The following CDKL5 variants were observed in gnomAD, a reference collection of about 807,000 sequenced individuals.
CDKL5 encodes cyclin-dependent kinase-like 5.
Under a neutral mutation model 61.7 loss-of-function variants are expected in CDKL5, and 8 were observed. The observed-to-expected ratio is 0.13, with a 90% confidence interval of 0.08 to 0.23. CDKL5 has a LOEUF of 0.23. CDKL5 is among the 10% of genes least tolerant of loss of function. The pLI is 1.00. For synonymous variants in CDKL5, 275 were observed against 272.3 expected, an observed-to-expected ratio of 1.01 and a Z score of -0.10; for missense variants, 440 against 734.5, an observed-to-expected ratio of 0.60 and a Z score of 4.63.
intron 3 of CDKL5, among the ~76,000 whole-genome samples, chrX:18,531,695 T>C (rs1923646233): frequency 9.1e-6 from 1 of 110,068 alleles, no homozygotes; most frequent in Non-Finnish European, 1.9e-5. Context: ...GTTTTTTCTT[T>C]TTTTCTTTTT....
chrX:18,591,081 T>G (rs771065072), intron 9 of CDKL5, among the ~76,000 whole-genome samples: 1 of 111,161 alleles, frequency 9.0e-6, no homozygotes, highest in East Asian at 2.8e-4. Flanking sequence ...TGGTCCCTTC[T>G]CATTCTGTCA....
intron 14 of CDKL5, among the ~76,000 whole-genome samples, 164 bp downstream of exon 14, chrX:18,609,734 T>C (rs1326878709): frequency 8.9e-6 from 1 of 112,054 alleles, no homozygotes; most frequent in African/African-American, 3.2e-5. Context: ...TCCTGGCTTA[T>C]GAATTGGCCT....
At chrX:18,587,647 T>C (rs183628129) in intron 8 of CDKL5, 1 of 242,845 alleles carries the variant, frequency 4.1e-6, no homozygotes, top group African/African-American at 2.8e-5. Flanking sequence ...GAGGTGTTAC[T>C]TGCCAGATAT....
At chrX:18,528,895 C>A (rs780630920) in intron 3 of CDKL5, among the ~76,000 whole-genome samples, 1 of 111,408 alleles carries the variant, frequency 9.0e-6, no homozygotes, top group African/African-American at 3.3e-5. Context: ...CTCAGCCTCG[C>A]AAAGTGCTGG....
chrX:18,498,250 T>A (rs1037753565), intron 1 of CDKL5, among the ~76,000 whole-genome samples: 2 of 111,976 alleles, frequency 1.8e-5, no homozygotes, highest in Non-Finnish European at 3.8e-5. Context: ...CTTAATATAG[T>A]TTATAGTTCA....
chrX:18,547,956 G>A (rs936015162), intron 3 of CDKL5, among the ~76,000 whole-genome samples: 1 of 111,581 alleles, frequency 9.0e-6, no homozygotes. Context: ...CAAAGGGCAC[G>A]AGAGTTTTTA....
At chrX:18,484,231 T>G (rs988676533) in intron 1 of CDKL5, among the ~76,000 whole-genome samples, 1 of 112,500 alleles carries the variant, frequency 8.9e-6, no homozygotes, top group African/African-American at 3.2e-5. Context: ...AACTAACTAG[T>G]TGGTATTGTG....
intron 11 of CDKL5, among the ~76,000 whole-genome samples, chrX:18,601,674 A>G (rs1203509385): frequency 8.9e-6 from 1 of 112,327 alleles, no homozygotes; most frequent in Non-Finnish European, 1.9e-5. Flanking sequence ...TGGAAAACCT[A>G]AAGCTTTGAC....
At chrX:18,529,129 G>A (rs6527853) in intron 3 of CDKL5, among the ~76,000 whole-genome samples, 19,205 of 98,025 alleles carry the variant, frequency 0.2, 4,160 homozygotes, top group African/African-American at 0.62. Context: ...TTAACTGACC[G>A]TTTTACAGGA....
rs745969938 is a variant in CDKL5 at position 18,564,526 on chromosome X, GATATATAT to G, written c.145+21_145+28del. The G allele has an allele frequency of 3.6e-5, 22 of 606,181 alleles. No individual in the cohort carries two copies. Among genetic ancestry groups the G allele is most frequent in the East Asian group, 4.5e-5 (1 of 22,234 alleles). The allele number at this position is 606,181 out of a possible 1,213,427, so 50.0% of individuals were successfully genotyped here. On this transcript the variant is annotated splice_donor_5th_base_variant and intron_variant, in intron 4 of 17. Transcript: ENST00000623535. ...AAGAAATTCAAGGACAGTGAAGGTA[GATATATAT>G]ATATATATATATATATCTGTATATA... is the stretch of plus-strand genomic sequence containing the variant.
At chrX:18,472,998 C>A (rs932246343) in intron 1 of CDKL5, among the ~76,000 whole-genome samples, 4 of 104,851 alleles carry the variant, frequency 3.8e-5, no homozygotes, top group African/African-American at 1.4e-4. Flanking sequence ...CTCTGTCACC[C>A]AGGCTGGAGT....
downstream of CDKL5, among the ~76,000 whole-genome samples, chrX:18,643,642 C>T (rs1927663388): frequency 9.0e-6 from 1 of 111,726 alleles, no homozygotes; most frequent in Non-Finnish European, 1.9e-5. Context: ...TTGGAACAAC[C>T]CATGAACGTC....
intron 1 of CDKL5, among the ~76,000 whole-genome samples, chrX:18,439,514 TCA>T: frequency 9.0e-6 from 1 of 110,837 alleles, no homozygotes; most frequent in South Asian, 3.8e-4. Context: ...ATAAAGCAAG[TCA>T]CACAAATTTT....
chrX:18,584,988 TG>T (rs768791447), intron 8 of CDKL5, among the ~76,000 whole-genome samples: 1 of 112,436 alleles, frequency 8.9e-6, no homozygotes, highest in Admixed American at 9.4e-5. Flanking sequence ...ATTAAGAATG[TG>T]AATATCCACA....
intron 1 of CDKL5, among the ~76,000 whole-genome samples, chrX:18,434,136 A>C (rs963830604): frequency 4.5e-5 from 5 of 112,104 alleles, no homozygotes; most frequent in African/African-American, 1.3e-4. Context: ...TCATCAGCAC[A>C]GGCTGATCCC....
intron 9 of CDKL5, among the ~76,000 whole-genome samples, chrX:18,593,138 A>AGAGAAT (rs748728162): frequency 8.9e-6 from 1 of 112,301 alleles, no homozygotes; most frequent in African/African-American, 3.2e-5. Context: ...CATAGTGCTC[A>AGAGAAT]GCAAAGAGGC....
At chrX:18,562,241 T>G (rs896757604) in intron 3 of CDKL5, among the ~76,000 whole-genome samples, 15 of 111,865 alleles carry the variant, frequency 1.3e-4, no homozygotes, top group Non-Finnish European at 2.8e-4. Context: ...TTTTTGGATG[T>G]CAGTTTGTCA....
intron 1 of CDKL5, among the ~76,000 whole-genome samples, chrX:18,469,071 G>T (rs1048682620): frequency 2.7e-5 from 3 of 110,939 alleles, no homozygotes; most frequent in Non-Finnish European, 5.7e-5. Context: ...GGGCGTGGTG[G>T]CTAACGCCTA....
chrX:18,580,245 G>T (rs1925435805), intron 6 of CDKL5, among the ~76,000 whole-genome samples: 1 of 111,840 alleles, frequency 8.9e-6, no homozygotes, highest in African/African-American at 3.2e-5. Flanking sequence ...AATGCCTAGT[G>T]ATATAAGAGA....
Sources: gnomAD v4.1 joint callset for allele counts (sites outside exome capture counted in the v4.1 genomes callset) on GRCh38, gnomAD v4.1.1 for gene constraint, MANE v1.5 for transcripts, NCBI Gene and HGNC (gene_info 2026-07-23, HGNC 2026-07-21) for gene names.